The following ODF2L variants were observed in gnomAD, a reference collection of about 807,000 sequenced individuals.
ODF2L encodes the protein protein BCAP.
A neutral mutation model predicts 86.3 loss-of-function variants in ODF2L; 76 were observed. The ratio of observed to expected loss-of-function variants is 0.88; its 90% CI spans 0.73 to 1.07. The LOEUF is 1.07. ODF2L is among the 50% of genes least tolerant of loss of function. The probability of loss-of-function intolerance (pLI) is 0.00; values close to 1 mark genes in which losing one functional copy is unlikely to be tolerated. For missense variants in ODF2L, 748 were observed against 717.4 expected (o/e 1.04, Z -0.49); for synonymous variants, 241 against 231.3 (o/e 1.04, Z -0.38).
chr1:86,370,640 T>A lies in ODF2L; in HGVS notation c.1056+378A>T, dbSNP rs367719538. 3.1e-4 allele frequency among the ~76,000 whole-genome samples: 47 copies of A among 152,264 alleles called. 1 individual carries two copies. In the South Asian group the frequency reaches 9.7e-3, roughly 32 times the overall value. ...ATGGAAAGCAATTACCCCTTGGATA[T>A]GAGTAAGTTGGAAAATTCTTTCTGG... On this transcript the variant is annotated intron_variant, in intron 10 of 17. Coordinates refer to ENST00000317336, the Ensembl canonical transcript of ODF2L.
intron 1 of ODF2L, among the ~76,000 whole-genome samples, chr1:86,395,547 G>C (rs896134722): frequency 6.6e-6 from 1 of 152,140 alleles, no homozygotes; most frequent in Admixed American, 6.5e-5. Flanking sequence ...CACTACAGGG[G>C]TCGCCTATAG....
intron 7 of ODF2L, among the ~76,000 whole-genome samples, chr1:86,376,642 G>A (rs1660193550): frequency 6.6e-6 from 1 of 152,058 alleles, no homozygotes; most frequent in Admixed American, 6.6e-5. Flanking sequence ...ATTGTAGAAG[G>A]CAGAGGAAGA....
In ODF2L at chr1:86,384,859, CTAAAA is replaced by C. The variant is rs1183452000; in HGVS notation, c.247-63_247-59del. On this transcript the variant is annotated intron_variant, in intron 3 of 17. Transcript: ENST00000317336. The stretch of plus-strand genomic sequence containing the variant: ...AAGACACAGCATTAAATAAAACCCT[CTAAAA>C]TATATTATCAAACAATATTTTTTCC... The C allele has an allele frequency of 8.1e-5, 104 of 1,288,400 alleles. No individual in the cohort carries two copies. The East Asian group carries it at 2.6e-3, about 32-fold the overall frequency. 79.8% of individuals were successfully genotyped at this position (1,288,400 alleles called of 1,614,324 possible).
chr1:86,363,527 A>T (rs954008447), intron 11 of ODF2L, among the ~76,000 whole-genome samples: 1 of 152,158 alleles, frequency 6.6e-6, no homozygotes, highest in African/African-American at 2.4e-5. Context: ...GGAAATATAG[A>T]ACAATATTAA....
chr1:86,372,283 G>C (rs1291476542), intron 9 of ODF2L, 148 bp downstream of exon 9: 1 of 358,700 alleles, frequency 2.8e-6, no homozygotes, highest in Non-Finnish European at 5.0e-6. Context: ...AAACTTTATT[G>C]AATTATAAAT....
At chr1:86,371,273 C>A in intron 9 of ODF2L, 120 bp from the exon 10 acceptor site, 1 of 484,058 alleles carries the variant, frequency 2.1e-6, no homozygotes, top group Non-Finnish European at 3.6e-6. Context: ...AGGGAATATA[C>A]AAAAAATAAA....
At chr1:86,382,263 A>C in exon 7 of ODF2L, 1 of 1,611,076 alleles carries the variant, frequency 6.2e-7, no homozygotes, top group South Asian at 1.1e-5. Flanking sequence ...CTTTCAACTT[A>C]TCGTTCTCGG....
At chr1:86,381,361 C>T (rs149021110) in intron 7 of ODF2L, among the ~76,000 whole-genome samples, 2 of 152,136 alleles carry the variant, frequency 1.3e-5, no homozygotes, top group Non-Finnish European at 2.9e-5. Context: ...ATACCAAGTC[C>T]AGTTCATCTG....
At chr1:86,385,494 T>C (rs1660884776) in exon 3 of ODF2L, 3 of 1,598,834 alleles carry the variant, frequency 1.9e-6, no homozygotes, top group African/African-American at 1.3e-5. Context: ...TGTCCTTAAA[T>C]AGTGGCAAAA....
chr1:86,365,772 T>C (rs753218322), intron 11 of ODF2L, among the ~76,000 whole-genome samples: 1 of 152,214 alleles, frequency 6.6e-6, no homozygotes, highest in African/African-American at 2.4e-5. Context: ...GAAGTTCATC[T>C]ATCTGTAGAA....
intron 11 of ODF2L, among the ~76,000 whole-genome samples, chr1:86,367,836 G>A (rs562441619): frequency 6.6e-6 from 1 of 152,106 alleles, no homozygotes; most frequent in Non-Finnish European, 1.5e-5. Context: ...ACAAAGAACA[G>A]AAAATATCCT....
intron 11 of ODF2L, among the ~76,000 whole-genome samples, chr1:86,363,451 C>T (rs1179499380): frequency 1.3e-5 from 2 of 152,030 alleles, no homozygotes; most frequent in African/African-American, 4.8e-5. Flanking sequence ...AAAATTAGCA[C>T]TTTTAATTAC....
At chr1:86,371,722 C>T (rs1659797358) in intron 9 of ODF2L, among the ~76,000 whole-genome samples, 2 of 151,870 alleles carry the variant, frequency 1.3e-5, no homozygotes, top group Non-Finnish European at 2.9e-5. Flanking sequence ...CTTTAAGGAA[C>T]AATCATTTTT....
exon 18 of ODF2L, chr1:86,350,324 A>C (rs1473414870): frequency 6.6e-6 from 1 of 151,628 alleles, no homozygotes; most frequent in African/African-American, 2.4e-5. Context: ...TCATTGTTCA[A>C]CTCCCACTTA....
chr1:86,348,251 T>C (rs563728723), downstream of ODF2L: 3 of 152,232 alleles, frequency 2.0e-5, no homozygotes, highest in East Asian at 5.8e-4. Context: ...ACTCAGCATA[T>C]ACTTGAAACA....
Position 86,354,698 on chromosome 1 carries a change from T to C in ODF2L, c.1605-6A>G, listed in dbSNP as rs775589260. 1.9e-6 allele frequency: 3 copies of C among 1,598,630 alleles called. No homozygotes were observed. Among genetic ancestry groups the C allele is most frequent in the Non-Finnish European group, 2.6e-6 (3 of 1,169,754 alleles). On this transcript the variant is annotated splice_region_variant and splice_polypyrimidine_tract_variant and intron_variant, in intron 15 of 17. Coordinates refer to ENST00000317336, the Ensembl canonical transcript of ODF2L. ...CGTCCATCTGTTCTAATTTTCTTTT[T>C]ACAGAAAACATATATTTTAAAATGT...
chr1:86,357,250 T>C (rs1658647323), intron 13 of ODF2L, among the ~76,000 whole-genome samples: 1 of 152,032 alleles, frequency 6.6e-6, no homozygotes, highest in Non-Finnish European at 1.5e-5. Flanking sequence ...ATGTTTGCAC[T>C]GCTAATTACA....
intron 8 of ODF2L, 65 bp from the exon 9 acceptor site, chr1:86,372,605 A>G (rs1558035609): frequency 2.5e-6 from 2 of 788,648 alleles, no homozygotes; most frequent in Non-Finnish European, 3.8e-6. Flanking sequence ...TCAGATCTCT[A>G]AACACAAATA....
intron 14 of ODF2L, among the ~76,000 whole-genome samples, chr1:86,355,646 C>T (rs1474382019): frequency 6.6e-6 from 1 of 152,056 alleles, no homozygotes; most frequent in Non-Finnish European, 1.5e-5. Flanking sequence ...AAGCCTAGTA[C>T]CTGTTAGTTA....
Sources: allele counts gnomAD v4.1 joint callset (sites outside exome capture counted in the v4.1 genomes callset), GRCh38; gene constraint gnomAD v4.1.1; transcripts MANE v1.5; gene names NCBI Gene and HGNC (gene_info 2026-07-23, HGNC 2026-07-21).